RGS7: variants seen among roughly 807,000 people sequenced by gnomAD.
RGS7 encodes regulator of G-protein signaling 7.
RGS7 carries 27 observed loss-of-function variants against 81.1 expected under a neutral mutation model. The ratio of observed to expected loss-of-function variants is 0.33; its 90% CI spans 0.25 to 0.46. RGS7 has a LOEUF of 0.46. RGS7 is among the 20% of genes least tolerant of loss of function. The pLI is 1.00. For synonymous variants in RGS7, 208 were observed against 207.7 expected, an observed-to-expected ratio of 1.00 and a Z score of -0.01; for missense variants, 396 against 607.4, an observed-to-expected ratio of 0.65 and a Z score of 3.66.
Position 240,920,547 on chromosome 1 carries a change from T to C in RGS7, c.385+10170A>G, listed in dbSNP as rs180799783. ...TGGAGGCCAATACTTTGTCAAACCA[T>C]GAAACTAAGGTGGCTATGGTGGTTG... On this transcript the variant is annotated intron_variant, in intron 6 of 18. Coordinates refer to ENST00000440928, the MANE Select transcript of RGS7 (RefSeq NM_001364886.1). 5.5e-4 allele frequency: 475 copies of C among 858,172 alleles called. No homozygotes were observed. In the African/African-American group the frequency reaches 6.0e-3, roughly 11 times the overall value. The allele number at this position is 858,172 out of a possible 1,614,324, so 53.2% of individuals were successfully genotyped here.
At chr1:240,849,706 G>C (rs564116004) in intron 9 of RGS7, among the ~76,000 whole-genome samples, 2 of 152,210 alleles carry the variant, frequency 1.3e-5, no homozygotes, top group African/African-American at 4.8e-5. Context: ...TGCTCTCACT[G>C]TGTGATGTGC....
intron 3 of RGS7, among the ~76,000 whole-genome samples, chr1:241,006,349 C>A (rs1368720816): frequency 1.3e-5 from 2 of 152,204 alleles, no homozygotes; most frequent in African/African-American, 4.8e-5. Context: ...CTGTCCAAGG[C>A]AAATCCCTCT....
At chr1:241,136,239 G>C (rs1475560301) in intron 2 of RGS7, among the ~76,000 whole-genome samples, 1 of 152,184 alleles carries the variant, frequency 6.6e-6, no homozygotes, top group African/African-American at 2.4e-5. Context: ...GTCAGACACT[G>C]TGCTAAGCTC....
At chr1:241,012,789 T>A (rs1201344147) in intron 3 of RGS7, among the ~76,000 whole-genome samples, 2 of 152,116 alleles carry the variant, frequency 1.3e-5, no homozygotes. Flanking sequence ...CTAGGAAAGA[T>A]TAACTCACAG....
intron 2 of RGS7, among the ~76,000 whole-genome samples, chr1:241,324,796 CA>C (rs2081401920): frequency 6.6e-6 from 1 of 152,118 alleles, no homozygotes; most frequent in South Asian, 2.1e-4. Flanking sequence ...GATAAAGACA[CA>C]AGTTTTTGGC....
At chr1:241,050,584 C>G (rs1221293828) in intron 3 of RGS7, among the ~76,000 whole-genome samples, 3 of 152,098 alleles carry the variant, frequency 2.0e-5, no homozygotes, top group Non-Finnish European at 4.4e-5. Flanking sequence ...ACAAGTGACC[C>G]TTGAACCACA....
chr1:241,236,502 A>T (rs929108262), intron 2 of RGS7, among the ~76,000 whole-genome samples: 1 of 152,106 alleles, frequency 6.6e-6, no homozygotes, highest in African/African-American at 2.4e-5. Context: ...TATGGTGTTT[A>T]TTTCTTGATT....
chr1:240,934,600 G>A (rs753283676), intron 5 of RGS7, among the ~76,000 whole-genome samples: 4 of 152,026 alleles, frequency 2.6e-5, no homozygotes, highest in Non-Finnish European at 4.4e-5. Flanking sequence ...AAATGTGTTT[G>A]TTATATTTAG....
chr1:241,249,688 C>T (rs2076735387), intron 2 of RGS7, among the ~76,000 whole-genome samples: 1 of 152,142 alleles, frequency 6.6e-6, no homozygotes, highest in Admixed American at 6.5e-5. Context: ...ATCACCTCTT[C>T]TGAACATATG....
At chr1:240,815,396 C>T (rs1053597092) in intron 11 of RGS7, among the ~76,000 whole-genome samples, 1 of 151,980 alleles carries the variant, frequency 6.6e-6, no homozygotes, top group Admixed American at 6.6e-5. Context: ...ATGGTGAATA[C>T]CTAAATCCAG....
chr1:241,192,283 G>A (rs1368313749), intron 2 of RGS7, among the ~76,000 whole-genome samples: 1 of 147,136 alleles, frequency 6.8e-6, no homozygotes, highest in Non-Finnish European at 1.5e-5. Context: ...GTGTGTGTGT[G>A]TGTTTGGTTT....
At chr1:241,156,442 G>T (rs1387227314) in intron 2 of RGS7, among the ~76,000 whole-genome samples, 2 of 151,740 alleles carry the variant, frequency 1.3e-5, no homozygotes, top group Non-Finnish European at 2.9e-5. Context: ...GGAGGTCAAG[G>T]CTGCAGTGAG....
chr1:241,128,203 G>C (rs1255086965), intron 2 of RGS7, among the ~76,000 whole-genome samples: 2 of 151,364 alleles, frequency 1.3e-5, no homozygotes, highest in Non-Finnish European at 2.9e-5. Flanking sequence ...CGTGAACCGG[G>C]AAAGTGGAGG....
At chr1:241,149,282 C>T (rs955057330) in intron 2 of RGS7, among the ~76,000 whole-genome samples, 2 of 151,970 alleles carry the variant, frequency 1.3e-5, no homozygotes, top group Non-Finnish European at 2.9e-5. Flanking sequence ...TTCTCCTGCC[C>T]CAGTATCCCG....
intron 2 of RGS7, among the ~76,000 whole-genome samples, chr1:241,098,981 A>G (rs1338702298): frequency 6.6e-6 from 1 of 152,214 alleles, no homozygotes; most frequent in African/African-American, 2.4e-5. Context: ...TAAGCTACCA[A>G]TAGGAATTTT....
chr1:241,014,586 C>A, intron 3 of RGS7, among the ~76,000 whole-genome samples: 1 of 152,176 alleles, frequency 6.6e-6, no homozygotes, highest in East Asian at 1.9e-4. Flanking sequence ...ACTGTTGAGA[C>A]AACAGAAATC....
intron 3 of RGS7, among the ~76,000 whole-genome samples, chr1:241,031,065 A>C (rs2060062557): frequency 6.6e-6 from 1 of 152,154 alleles, no homozygotes; most frequent in African/African-American, 2.4e-5. Context: ...TAGAACCATC[A>C]CTCAAATTAG....
At chr1:241,334,855 C>CAGACTTTTTAAATAAATGCAAA (rs149837965) in intron 2 of RGS7, among the ~76,000 whole-genome samples, 2 of 152,110 alleles carry the variant, frequency 1.3e-5, no homozygotes, top group African/African-American at 4.8e-5. Flanking sequence ...TTGTGTTACA[C>CAGACTTTTTAAATAAATGCAAA]TACAGAATAA....
In RGS7 at chr1:240,918,986, AAATTTGAACCAAGTT is replaced by A. The variant is rs946019192; in HGVS notation, c.385+11716_385+11730del. Among the ~76,000 whole-genome samples the A allele has an allele frequency of 1.1e-3, 162 of 152,232 alleles. 1 individual carries two copies. Among genetic ancestry groups the A allele is most frequent in the African/African-American group, 3.8e-3 (156 of 41,550 alleles). The stretch of plus-strand genomic sequence containing the variant: ...ATTTGATAACAAATTTTTGGTTCAA[AAATTTGAACCAAGTT>A]TTTGAAAGATACAATCTACTGAAAC... On this transcript the variant is annotated intron_variant, in intron 6 of 18. Coordinates refer to ENST00000440928, the MANE Select transcript of RGS7 (RefSeq NM_001364886.1).
Sources: allele counts gnomAD v4.1 joint callset (sites outside exome capture counted in the v4.1 genomes callset), GRCh38; gene constraint gnomAD v4.1.1; transcripts MANE v1.5; gene names NCBI Gene and HGNC (gene_info 2026-07-23, HGNC 2026-07-21).